IL34: variants seen among roughly 807,000 people sequenced by gnomAD.
The protein encoded by IL34 is interleukin 34.
In IL34, 17 loss-of-function variants were observed where a neutral mutation model predicts 25.3. The ratio of observed to expected loss-of-function variants is 0.67; its 90% CI spans 0.46 to 1.01. The LOEUF is 1.01. Ranked by LOEUF, IL34 falls within the 50% of genes least tolerant of loss-of-function variation. IL34 has a pLI of 0.00. For synonymous variants in IL34, 174 were observed against 140.9 expected (o/e 1.23, Z -1.66); for missense variants, 368 against 312.9 (o/e 1.18, Z -1.33).
chr16:70,586,067 C>T (rs1314942969), intron 1 of IL34, among the ~76,000 whole-genome samples: 4 of 150,048 alleles, frequency 2.7e-5, no homozygotes, highest in Admixed American at 6.6e-5. Context: ...CTCCTGACTT[C>T]GTGATCTGCC....
chr16:70,646,141 C>G (rs2051922569), upstream of IL34, among the ~76,000 whole-genome samples: 1 of 152,004 alleles, frequency 6.6e-6, no homozygotes, highest in African/African-American at 2.4e-5. Context: ...AACTCCTGGG[C>G]TCACGCAATC....
At chr16:70,619,934 C>T (rs2051245344) in intron 1 of IL34, among the ~76,000 whole-genome samples, 1 of 152,152 alleles carries the variant, frequency 6.6e-6, no homozygotes, top group South Asian at 2.1e-4. Flanking sequence ...GTAGCAAGCT[C>T]CTGTGGGAGG....
chr16:70,646,885 G>C lies in IL34; in HGVS notation c.-63G>C, dbSNP rs2051946461. ...CCCGAGGCCATGTAGGCCGTGCTTA[G>C]GCCTCTGTGGACACACTGCTGGGGA... is the stretch of plus-strand genomic sequence containing the variant. On this transcript the variant is annotated 5_prime_UTR_variant, in exon 1 of 6. Transcript: ENST00000288098. The C allele has an allele frequency of 2.1e-6, 3 of 1,445,986 alleles. No homozygotes were observed. The South Asian group carries it at 4.2e-5, about 20-fold the overall frequency. 89.6% of individuals were successfully genotyped at this position (1,445,986 alleles called of 1,614,324 possible). A position where few individuals can be genotyped will look rare whatever the true frequency, so the allele number is the denominator to read the frequency against.
At chr16:70,606,542 C>T (rs1164557839) in intron 1 of IL34, among the ~76,000 whole-genome samples, 2 of 152,200 alleles carry the variant, frequency 1.3e-5, no homozygotes, top group Admixed American at 6.5e-5. Flanking sequence ...CCTCCACCCC[C>T]AAACAACCAC....
At chr16:70,586,695 A>T (rs2050698827) in intron 1 of IL34, among the ~76,000 whole-genome samples, 1 of 152,150 alleles carries the variant, frequency 6.6e-6, no homozygotes, top group Non-Finnish European at 1.5e-5. Flanking sequence ...ACCGTCCTGG[A>T]CCTGTCCTCC....
chr16:70,588,728 A>C (rs1191939137), intron 1 of IL34, among the ~76,000 whole-genome samples: 1 of 152,220 alleles, frequency 6.6e-6, no homozygotes, highest in Non-Finnish European at 1.5e-5. Flanking sequence ...AGCCTTACAA[A>C]GGAAGGGAAT....
At chr16:70,623,938 G>A (rs1234561369) in intron 1 of IL34, among the ~76,000 whole-genome samples, 4 of 142,074 alleles carry the variant, frequency 2.8e-5, no homozygotes, top group African/African-American at 1.0e-4. Context: ...AATGTGGAGT[G>A]GGTAGCCTCC....
At chr16:70,592,474 G>C (rs992320409) in intron 1 of IL34, among the ~76,000 whole-genome samples, 3 of 152,116 alleles carry the variant, frequency 2.0e-5, no homozygotes, top group Non-Finnish European at 4.4e-5. Flanking sequence ...AGGTGTGGCT[G>C]TAATCCCCAG....
At chr16:70,623,994 C>T (rs907107199) in intron 1 of IL34, among the ~76,000 whole-genome samples, 6 of 149,062 alleles carry the variant, frequency 4.0e-5, no homozygotes, top group African/African-American at 1.5e-4. Flanking sequence ...GAGAGTTACT[C>T]GAAGCTCGGC....
At chr16:70,653,898 C>T (rs2052145048) in intron 1 of IL34, among the ~76,000 whole-genome samples, 1 of 151,976 alleles carries the variant, frequency 6.6e-6, no homozygotes, top group African/African-American at 2.4e-5. Flanking sequence ...TCACAGTGAC[C>T]CCCAGTGGCA....
At chr16:70,603,034 C>G (rs1400057326) in intron 1 of IL34, among the ~76,000 whole-genome samples, 1 of 152,068 alleles carries the variant, frequency 6.6e-6, no homozygotes, top group East Asian at 1.9e-4. Flanking sequence ...CTGTTTTTCT[C>G]TCATTCTATT....
At chr16:70,580,780 CAA>C (rs200027520) in intron 1 of IL34, among the ~76,000 whole-genome samples, 13 of 81,086 alleles carry the variant, frequency 1.6e-4, no homozygotes, top group Admixed American at 2.9e-4. Context: ...GACTATGTCT[CAA>C]AAAAAAAAAA....
intron 1 of IL34, among the ~76,000 whole-genome samples, chr16:70,629,506 G>T (rs553949435): frequency 2.0e-5 from 3 of 152,128 alleles, no homozygotes; most frequent in African/African-American, 7.2e-5. Flanking sequence ...TATGTAAAAT[G>T]GCATAGTATT....
chr16:70,639,037 T>A (rs542669286), intron 1 of IL34, among the ~76,000 whole-genome samples: 4 of 152,238 alleles, frequency 2.6e-5, no homozygotes, highest in African/African-American at 9.6e-5. Flanking sequence ...TGCCCTGTTT[T>A]GGTGATTCTG....
At chr16:70,632,313 G>T (rs1189206801) in intron 1 of IL34, among the ~76,000 whole-genome samples, 3 of 152,196 alleles carry the variant, frequency 2.0e-5, no homozygotes, top group African/African-American at 7.2e-5. Flanking sequence ...TCCTCATGCA[G>T]ATATCTGCAG....
intron 1 of IL34, among the ~76,000 whole-genome samples, chr16:70,634,008 G>T (rs941899008): frequency 1.3e-5 from 2 of 151,998 alleles, no homozygotes; most frequent in Non-Finnish European, 2.9e-5. Flanking sequence ...GCACCACCAC[G>T]CCCAGCTAAT....
chr16:70,604,920 G>GTGTGTGTGTGCATGTC (rs541509982), intron 1 of IL34, among the ~76,000 whole-genome samples: 3 of 152,056 alleles, frequency 2.0e-5, no homozygotes, highest in East Asian at 1.9e-4. Context: ...GTGTGTGCAT[G>GTGTGTGTGTGCATGTC]TGTGTGTGTG....
intron 1 of IL34, among the ~76,000 whole-genome samples, chr16:70,628,344 A>AAG (rs1209134066): frequency 6.6e-6 from 1 of 152,048 alleles, no homozygotes; most frequent in Non-Finnish European, 1.5e-5. Context: ...TGTGTCCTTT[A>AAG]GCATTGTTTA....
intron 4 of IL34, chr16:70,657,422 T>C: frequency 1.3e-5 from 4 of 314,504 alleles, no homozygotes; most frequent in South Asian, 5.6e-5. Flanking sequence ...TCTTTGTTTC[T>C]GCAACACGAG....
Sources: gnomAD v4.1 joint callset for allele counts (sites outside exome capture counted in the v4.1 genomes callset) on GRCh38, gnomAD v4.1.1 for gene constraint, MANE v1.5 for transcripts, NCBI Gene and HGNC (gene_info 2026-07-23, HGNC 2026-07-21) for gene names.